The following TRIM44 variants were observed in gnomAD, a reference collection of about 807,000 sequenced individuals.
TRIM44 encodes tripartite motif-containing protein 44.
A neutral mutation model predicts 37.4 loss-of-function variants in TRIM44; 13 were observed. That is an observed-to-expected ratio of 0.35 (90% CI 0.23 to 0.55). The LOEUF is 0.55. TRIM44 is among the 20% of genes least tolerant of loss of function. The pLI, the probability that TRIM44 is intolerant of heterozygous loss-of-function variation, is 0.89. For synonymous variants in TRIM44, 175 were observed against 157.2 expected, an observed-to-expected ratio of 1.11 and a Z score of -0.85; for missense variants, 426 against 437.2, an observed-to-expected ratio of 0.97 and a Z score of 0.23.
At chr11:35,700,162 C>A (rs1851766577) in intron 2 of TRIM44, among the ~76,000 whole-genome samples, 1 of 152,112 alleles carries the variant, frequency 6.6e-6, no homozygotes, top group African/African-American at 2.4e-5. Flanking sequence ...CCTTTTATAG[C>A]CCTTTACTAA....
intron 3 of TRIM44, 108 bp downstream of exon 3, chr11:35,726,271 G>T: frequency 7.0e-7 from 1 of 1,418,828 alleles, no homozygotes; most frequent in Middle Eastern, 1.8e-4. Context: ...TGAAGTCTAG[G>T]TAGAGTATAA....
chr11:35,783,183 A>G (rs1853087234), intron 4 of TRIM44, among the ~76,000 whole-genome samples: 1 of 152,168 alleles, frequency 6.6e-6, no homozygotes, highest in East Asian at 1.9e-4. Flanking sequence ...ATAAGGAGAT[A>G]TTGACATAAG....
rs188185372 is a variant in TRIM44 at position 35,746,796 on chromosome 11, T to G, written c.1007+11351T>G. ...CTAAACATGAATGGTTGCAGGTTCA[T>G]AAAATAAATGCTTTCTTGTCTATAA... On this transcript the variant is annotated intron_variant, in intron 4 of 4. Coordinates refer to ENST00000299413, the MANE Select transcript of TRIM44 (RefSeq NM_017583.6). 1.8e-3 allele frequency among the ~76,000 whole-genome samples: 278 copies of G among 152,308 alleles called. 2 individuals are homozygous for G. Among genetic ancestry groups the G allele is most frequent in the African/African-American group, 6.4e-3 (267 of 41,562 alleles).
In TRIM44 at chr11:35,808,036, A is replaced by G. The variant is rs1221992951; in HGVS notation, c.*1651A>G. 6.6e-6 allele frequency: 1 copy of G among 152,016 alleles called. No homozygotes were observed. The highest frequency in any genetic ancestry group is 1.5e-5 in the Non-Finnish European group (1 of 68,004). The allele number at this position is 152,016 out of a possible 1,614,324, so 9.4% of individuals were successfully genotyped here. On this transcript the variant is annotated 3_prime_UTR_variant, in exon 5 of 5. Coordinates refer to ENST00000299413, the MANE Select transcript of TRIM44 (RefSeq NM_017583.6). The stretch of plus-strand genomic sequence containing the variant: ...AGGATGGTTTTGAAACAGAAACAAT[A>G]CTTGTTTACTGTAGGAATCCTATTT...
chr11:35,703,943 C>G (rs1851835809), intron 2 of TRIM44, among the ~76,000 whole-genome samples: 1 of 152,170 alleles, frequency 6.6e-6, no homozygotes, highest in Admixed American at 6.5e-5. Flanking sequence ...AAGAAGGCTT[C>G]AGACGATCAA....
At position 35,722,950 on chromosome 11, in the gene TRIM44, C is replaced by T. The variant is rs562120150; in HGVS notation, c.748-2974C>T. The stretch of plus-strand genomic sequence containing the variant: ...TGCTCCTAACCCTGACCATTATTCT[C>T]AGTTCATCTCAGCAATACTTTTCTG... On this transcript the variant is annotated intron_variant, in intron 2 of 4. Transcript: ENST00000299413. 2.0e-5 allele frequency among the ~76,000 whole-genome samples: 3 copies of T among 152,266 alleles called. No homozygotes were observed. In the South Asian group the frequency reaches 6.2e-4, roughly 32 times the overall value.
In TRIM44 at chr11:35,703,288, A is replaced by G. The variant is rs546836858; in HGVS notation, c.747+17952A>G. 2.2e-4 allele frequency among the ~76,000 whole-genome samples: 34 copies of G among 152,386 alleles called. 1 individual carries two copies. The South Asian group carries it at 6.6e-3, about 30-fold the overall frequency. On this transcript the variant is annotated intron_variant, in intron 2 of 4. Coordinates refer to ENST00000299413, the MANE Select transcript of TRIM44 (RefSeq NM_017583.6). Reference sequence around the variant, plus strand: ...ACTGGGTGGAGCCCACCACAGCTCAAGGAGGCCTGCCTGCCTCTGTAGGCT... The same window carrying G: ...ACTGGGTGGAGCCCACCACAGCTCAGGGAGGCCTGCCTGCCTCTGTAGGCT...
intron 2 of TRIM44, among the ~76,000 whole-genome samples, chr11:35,702,391 C>G (rs530643561): frequency 1.3e-5 from 2 of 152,344 alleles, no homozygotes; most frequent in Admixed American, 6.5e-5. Context: ...GGGCACATCC[C>G]TGGACTGAGA....
At chr11:35,733,697 G>C (rs1852294355) in intron 3 of TRIM44, among the ~76,000 whole-genome samples, 2 of 152,224 alleles carry the variant, frequency 1.3e-5, no homozygotes, top group South Asian at 4.1e-4. Context: ...TCTGGCTGCA[G>C]CTGTACTTTA....
chr11:35,758,159 C>T (rs1467409400), intron 4 of TRIM44, among the ~76,000 whole-genome samples: 5 of 152,096 alleles, frequency 3.3e-5, no homozygotes, highest in Admixed American at 3.3e-4. Flanking sequence ...TCTCTAAGGA[C>T]TTGCTTTGTG....
intron 4 of TRIM44, among the ~76,000 whole-genome samples, chr11:35,762,012 G>T (rs1291929623): frequency 6.6e-6 from 1 of 152,140 alleles, no homozygotes; most frequent in Non-Finnish European, 1.5e-5. Context: ...TCCTTGGGAG[G>T]TGACAGGCTA....
chr11:35,663,721 A>T lies in TRIM44; in HGVS notation c.610A>T (p.Ile204Phe). Residue 204 changes from isoleucine (I) to phenylalanine (F), a missense_variant, in exon 1 of 5, where the codon ATT (isoleucine) becomes TTT (phenylalanine). Around this residue, in one of 2 missense-constraint regions of TRIM44, gnomAD observed 331 missense variants for 303.0 expected, o/e 1.09. Coordinates refer to ENST00000299413, the MANE Select transcript of TRIM44 (RefSeq NM_017583.6). The stretch of plus-strand genomic sequence containing the variant: ...GCTCATCTGTGTCCTGTGTCCAGTC[A>T]TTGGGGCTCACCAGGGCCACCAACT... ...RQLICVLCPV[I>F]GAHQGHQLST... 6.2e-7 allele frequency: 1 copy of T among 1,614,086 alleles called. No homozygotes were observed. The highest frequency in any genetic ancestry group is 8.5e-7 in the Non-Finnish European group (1 of 1,180,018).
intron 1 of TRIM44, among the ~76,000 whole-genome samples, chr11:35,667,034 TG>T (rs1458299880): frequency 6.6e-6 from 1 of 152,190 alleles, no homozygotes; most frequent in African/African-American, 2.4e-5. Flanking sequence ...ATGTGGTTGG[TG>T]GGTATTCTGG....
At chr11:35,751,208 CA>C in intron 4 of TRIM44, among the ~76,000 whole-genome samples, 1 of 152,156 alleles carries the variant, frequency 6.6e-6, no homozygotes, top group East Asian at 1.9e-4. Context: ...AGTTTTAAGT[CA>C]TTGCATAAAG....
intron 4 of TRIM44, among the ~76,000 whole-genome samples, chr11:35,750,682 G>C (rs1260177526): frequency 6.6e-6 from 1 of 152,108 alleles, no homozygotes; most frequent in Non-Finnish European, 1.5e-5. Flanking sequence ...TTCTCCACTA[G>C]ATGTTGGGAC....
chr11:35,703,610 C>G (rs1851829833), intron 2 of TRIM44, among the ~76,000 whole-genome samples: 1 of 152,200 alleles, frequency 6.6e-6, no homozygotes, highest in African/African-American at 2.4e-5. Flanking sequence ...TCACAAAAAT[C>G]CGCTGTTCTG....
At chr11:35,706,406 A>T (rs1194379850) in intron 2 of TRIM44, among the ~76,000 whole-genome samples, 1 of 152,236 alleles carries the variant, frequency 6.6e-6, no homozygotes, top group South Asian at 2.1e-4. Context: ...TCCCTAACTC[A>T]TTTTATGAGG....
chr11:35,798,345 A>G (rs639271), intron 4 of TRIM44, among the ~76,000 whole-genome samples: 87,878 of 151,968 alleles, frequency 0.58, 26,632 homozygotes, highest in South Asian at 0.73. Flanking sequence ...AAGTTTGCTG[A>G]TCGCGGTTCC....
chr11:35,740,090 T>C (rs1852373695), intron 4 of TRIM44, among the ~76,000 whole-genome samples: 1 of 124,206 alleles, frequency 8.1e-6, no homozygotes. Context: ...AGAGCAAGAC[T>C]CTGTCTAAAA....
Sources: allele counts gnomAD v4.1 joint callset (sites outside exome capture counted in the v4.1 genomes callset), GRCh38; gene constraint gnomAD v4.1.1; regional missense constraint gnomAD v4.1.1; transcripts MANE v1.5; gene names NCBI Gene and HGNC (gene_info 2026-07-23, HGNC 2026-07-21).